The following INTS4 variants were observed in gnomAD, a reference collection of about 807,000 sequenced individuals.
INTS4 encodes the protein MSTP093.
Under a neutral mutation model 119.5 loss-of-function variants are expected in INTS4, and 70 were observed. The ratio of observed to expected loss-of-function variants is 0.59; its 90% CI spans 0.48 to 0.71. The LOEUF is 0.71. Ranked by LOEUF, INTS4 falls within the 30% of genes least tolerant of loss-of-function variation. The probability of loss-of-function intolerance (pLI) is 0.00; values close to 1 mark genes in which losing one functional copy is unlikely to be tolerated. For missense variants in INTS4, 867 were observed against 1,173.2 expected, an observed-to-expected ratio of 0.74 and a Z score of 3.81; for synonymous variants, 316 against 419.6, an observed-to-expected ratio of 0.75 and a Z score of 3.02.
At chr11:77,976,500 C>A (rs1228376660) in intron 4 of INTS4, among the ~76,000 whole-genome samples, 1 of 152,122 alleles carries the variant, frequency 6.6e-6, no homozygotes, top group African/African-American at 2.4e-5. Context: ...CTAGGCAACA[C>A]AATGAGACCC....
rs145797671 is a variant in INTS4, at chr11:77,994,503, A to C, written c.54+87T>G. 3.8e-4 allele frequency: 394 copies of C among 1,025,426 alleles called. 2 individuals carry two copies. In the African/African-American group the frequency reaches 5.7e-3, roughly 15 times the overall value. The allele number at this position is 1,025,426 out of a possible 1,614,324, so 63.5% of individuals were successfully genotyped here. On this transcript the variant is annotated intron_variant, in intron 1 of 22. Coordinates refer to ENST00000534064, the MANE Select transcript of INTS4 (RefSeq NM_033547.4). ...GTCAGCACTTAACACGGGCGTATGGAGCCTCTTCTGTTCCGGCAAAGTGCC... is the reference window on the plus strand; with the variant it reads ...GTCAGCACTTAACACGGGCGTATGGCGCCTCTTCTGTTCCGGCAAAGTGCC...
intron 10 of INTS4, 125 bp downstream of exon 10, chr11:77,938,526 T>C (rs1415019846): frequency 1.8e-5 from 20 of 1,122,812 alleles, no homozygotes; most frequent in Admixed American, 2.9e-5. Context: ...ATAAAAAGCA[T>C]AGTAAGTACT....
At chr11:77,917,747 A>G (rs1953238099) in intron 15 of INTS4, among the ~76,000 whole-genome samples, 1 of 151,870 alleles carries the variant, frequency 6.6e-6, no homozygotes, top group Admixed American at 6.6e-5. Flanking sequence ...TTTTGCTAAA[A>G]GCAAATGAGT....
At chr11:77,916,942 C>T (rs1208979751) in intron 15 of INTS4, among the ~76,000 whole-genome samples, 1 of 152,174 alleles carries the variant, frequency 6.6e-6, no homozygotes, top group Non-Finnish European at 1.5e-5. Flanking sequence ...TTAGAATAAA[C>T]AAATAGTTAA....
At chr11:77,982,327 G>A (rs528296104) in intron 2 of INTS4, among the ~76,000 whole-genome samples, 2 of 151,992 alleles carry the variant, frequency 1.3e-5, no homozygotes, top group Non-Finnish European at 2.9e-5. Flanking sequence ...TAGTAGAGAT[G>A]AGCTTTTGCT....
chr11:77,884,641 A>C (rs1483473174), intron 21 of INTS4: 1 of 218,318 alleles, frequency 4.6e-6, no homozygotes, highest in African/African-American at 2.3e-5. Context: ...AGGTCTTCCA[A>C]TGTTGAAACT....
chr11:77,929,917 T>C (rs1327304449), intron 10 of INTS4, among the ~76,000 whole-genome samples: 1 of 152,176 alleles, frequency 6.6e-6, no homozygotes, highest in African/African-American at 2.4e-5. Flanking sequence ...ACCTAGGGTA[T>C]AGGTTTGGGT....
chr11:77,913,560 C>G lies in INTS4; in HGVS notation c.1922+5261G>C, dbSNP rs1953137670. ...TCTCCTGAGCTCGTGATCCGCCCACCTTGGCCTCCCAAAGTGTTGGGATTA... is the reference window on the plus strand; with the variant it reads ...TCTCCTGAGCTCGTGATCCGCCCACGTTGGCCTCCCAAAGTGTTGGGATTA... On this transcript the variant is annotated intron_variant, in intron 15 of 22. Transcript: ENST00000534064. 3.3e-5 allele frequency among the ~76,000 whole-genome samples: 5 copies of G among 152,292 alleles called. No individual in the cohort carries two copies. In the South Asian group the frequency reaches 1.0e-3, roughly 32 times the overall value.
At position 77,994,607 on chromosome 11, in the gene INTS4, A is replaced by AT; in HGVS notation, c.36dup (p.Phe13IlefsTer14). The AT allele has an allele frequency of 6.2e-7, 1 of 1,613,988 alleles. No individual in the cohort carries two copies. Among genetic ancestry groups the AT allele is most frequent in the Non-Finnish European group, 8.5e-7 (1 of 1,179,866 alleles). ...GAGCTTACCTGAACCACTTTCGTGA[A>AT]TTCCTCATAAACCCGCTTCTTAAGG... On this transcript the variant is annotated frameshift_variant, in exon 1 of 23. Transcript: ENST00000534064. LOFTEE classifies it high-confidence loss of function.
intron 8 of INTS4, among the ~76,000 whole-genome samples, chr11:77,946,512 A>C (rs1954050917): frequency 6.6e-6 from 1 of 152,218 alleles, no homozygotes; most frequent in Non-Finnish European, 1.5e-5. Flanking sequence ...CTGTAATCCC[A>C]GCACTTCGGG....
At chr11:77,920,178 C>A (rs74409821) in intron 14 of INTS4, among the ~76,000 whole-genome samples, 1 of 26,902 alleles carries the variant, frequency 3.7e-5, no homozygotes, top group Non-Finnish European at 7.2e-5. Context: ...TATACATATA[C>A]ATATACACAT....
At chr11:77,920,258 C>CATATATATATACAT (rs58721042) in intron 14 of INTS4, among the ~76,000 whole-genome samples, 2 of 142,498 alleles carry the variant, frequency 1.4e-5, no homozygotes, top group Non-Finnish European at 3.0e-5. Flanking sequence ...TACATATATA[C>CATATATATATACAT]ATATATACAC....
intron 10 of INTS4, among the ~76,000 whole-genome samples, chr11:77,937,758 T>C: frequency 6.6e-6 from 1 of 151,498 alleles, no homozygotes; most frequent in Non-Finnish European, 1.5e-5. Context: ...AACAAAAAAG[T>C]CTCTTGGAAA....
intron 7 of INTS4, among the ~76,000 whole-genome samples, chr11:77,956,981 C>T: frequency 6.6e-6 from 1 of 152,106 alleles, no homozygotes; most frequent in East Asian, 1.9e-4. Context: ...GTCGCCCAGG[C>T]TGGAGTGCAG....
At chr11:77,974,748 A>T (rs757551430) in intron 4 of INTS4, among the ~76,000 whole-genome samples, 11 of 151,802 alleles carry the variant, frequency 7.2e-5, no homozygotes, top group Non-Finnish European at 1.3e-4. Flanking sequence ...CTACAGGTAC[A>T]AGCCACCAGA....
chr11:77,961,279 C>A, intron 4 of INTS4, 141 bp from the exon 5 acceptor site: 1 of 1,147,426 alleles, frequency 8.7e-7, no homozygotes, highest in South Asian at 2.2e-5. Context: ...ATTCTTAGGA[C>A]AGTCTGTCTA....
At chr11:77,946,622 G>A (rs1258916543) in intron 8 of INTS4, among the ~76,000 whole-genome samples, 1 of 151,954 alleles carries the variant, frequency 6.6e-6, no homozygotes, top group African/African-American at 2.4e-5. Flanking sequence ...TTAGTCGGGT[G>A]TGGTGGCATG....
chr11:77,948,155 A>G (rs533232444), intron 8 of INTS4, among the ~76,000 whole-genome samples: 15 of 151,606 alleles, frequency 9.9e-5, no homozygotes, highest in Admixed American at 6.6e-4. Context: ...GCCTAACTGA[A>G]GACTCTGTAG....
intron 15 of INTS4, chr11:77,918,344 G>A (rs1293740739): frequency 1.4e-4 from 66 of 458,656 alleles, no homozygotes; most frequent in Non-Finnish European, 6.4e-5. Context: ...GGCTGAAGTG[G>A]GAGAATCACT....
Sources: allele counts gnomAD v4.1 joint callset (sites outside exome capture counted in the v4.1 genomes callset), GRCh38; gene constraint gnomAD v4.1.1; transcripts MANE v1.5; gene names NCBI Gene and HGNC (gene_info 2026-07-23, HGNC 2026-07-21).